ARHGAP15: variants seen among roughly 807,000 people sequenced by gnomAD.
ARHGAP15 encodes Rho GTPase activating protein 15.
In ARHGAP15, 51 loss-of-function variants were observed where a neutral mutation model predicts 63.7. The observed-to-expected ratio is 0.80, with a 90% confidence interval of 0.64 to 1.01. The LOEUF is 1.01. Among genes scored for constraint, ARHGAP15 ranks in the 50% least tolerant of loss-of-function variants. ARHGAP15 has a pLI of 0.00. For synonymous variants in ARHGAP15, 191 were observed against 193.8 expected (o/e 0.99, Z 0.12); for missense variants, 560 against 564.6 (o/e 0.99, Z 0.08).
intron 8 of ARHGAP15, among the ~76,000 whole-genome samples, chr2:143,464,656 C>T (rs1044396321): frequency 2.0e-5 from 3 of 152,092 alleles, no homozygotes; most frequent in Non-Finnish European, 4.4e-5. Flanking sequence ...GTAATCAAGC[C>T]GTTTTGCCTC....
At chr2:143,300,583 A>G (rs891336521) in intron 6 of ARHGAP15, among the ~76,000 whole-genome samples, 6 of 152,074 alleles carry the variant, frequency 3.9e-5, no homozygotes, top group East Asian at 3.9e-4. Context: ...GCTCTCCCCT[A>G]TGCAGTGATT....
At chr2:143,179,138 T>A (rs1383673337) in intron 2 of ARHGAP15, among the ~76,000 whole-genome samples, 1 of 152,228 alleles carries the variant, frequency 6.6e-6, no homozygotes, top group African/African-American at 2.4e-5. Flanking sequence ...AAATACAGAT[T>A]CCTGCACCTA....
intron 6 of ARHGAP15, among the ~76,000 whole-genome samples, chr2:143,308,219 C>T (rs1683266964): frequency 1.3e-5 from 2 of 151,980 alleles, no homozygotes. Flanking sequence ...CATAAATAGA[C>T]TTAAATCATA....
At chr2:143,626,400 G>T (rs570412796) in intron 12 of ARHGAP15, among the ~76,000 whole-genome samples, 11 of 152,214 alleles carry the variant, frequency 7.2e-5, no homozygotes, top group African/African-American at 2.4e-4. Context: ...GTTCCTGCCG[G>T]TGGGTTCGTG....
intron 8 of ARHGAP15, among the ~76,000 whole-genome samples, chr2:143,476,417 TAAA>T (rs1191921957): frequency 6.6e-6 from 1 of 152,130 alleles, no homozygotes; most frequent in African/African-American, 2.4e-5. Context: ...AAATTAATAA[TAAA>T]ACTGTACAAT....
At chr2:143,336,540 C>G (rs1356215372) in intron 6 of ARHGAP15, among the ~76,000 whole-genome samples, 1 of 146,110 alleles carries the variant, frequency 6.8e-6, no homozygotes, top group East Asian at 2.1e-4. Context: ...TATTTTTAGC[C>G]TTGGAATCCT....
At chr2:143,349,376 T>C (rs954346655) in intron 6 of ARHGAP15, among the ~76,000 whole-genome samples, 1 of 152,208 alleles carries the variant, frequency 6.6e-6, no homozygotes, top group Admixed American at 6.5e-5. Context: ...TTTTCCTCAG[T>C]GGCAGTAATT....
chr2:143,163,188 G>A (rs1196382879), intron 2 of ARHGAP15, among the ~76,000 whole-genome samples: 1 of 151,938 alleles, frequency 6.6e-6, no homozygotes. Flanking sequence ...AACTGAAGCA[G>A]GTTGAGAAAC....
chr2:143,405,682 C>T (rs1219416334), intron 6 of ARHGAP15, among the ~76,000 whole-genome samples: 1 of 151,914 alleles, frequency 6.6e-6, no homozygotes, highest in Non-Finnish European at 1.5e-5. Context: ...TATTACGAGA[C>T]TCACATTGTC....
chr2:143,427,685 T>C (rs1689192975), intron 6 of ARHGAP15, among the ~76,000 whole-genome samples: 1 of 152,094 alleles, frequency 6.6e-6, no homozygotes, highest in African/African-American at 2.4e-5. Context: ...TTTAATCCTA[T>C]TGTCTGATGT....
chr2:143,176,874 G>A (rs973789650), intron 2 of ARHGAP15, among the ~76,000 whole-genome samples: 2 of 152,144 alleles, frequency 1.3e-5, no homozygotes, highest in South Asian at 4.1e-4. Flanking sequence ...GCTCAGCTGG[G>A]GCCGAGGGTT....
At chr2:143,515,565 A>T (rs1693778984) in intron 9 of ARHGAP15, among the ~76,000 whole-genome samples, 1 of 152,202 alleles carries the variant, frequency 6.6e-6, no homozygotes, top group Non-Finnish European at 1.5e-5. Flanking sequence ...AAGAAAAAAG[A>T]CTTCTTATAT....
At chr2:143,219,266 G>A (rs1157902306) in intron 4 of ARHGAP15, among the ~76,000 whole-genome samples, 1 of 152,206 alleles carries the variant, frequency 6.6e-6, no homozygotes, top group Non-Finnish European at 1.5e-5. Flanking sequence ...GTAACATGCT[G>A]TACAGGTTTG....
chr2:143,492,464 T>TA (rs960410346), intron 9 of ARHGAP15, among the ~76,000 whole-genome samples: 9 of 151,934 alleles, frequency 5.9e-5, no homozygotes, highest in South Asian at 2.1e-4. Flanking sequence ...TTTTAAAAGT[T>TA]AAAAAAAACA....
rs1467049164 is a variant in ARHGAP15 at position 143,739,030 on chromosome 2, A to G, written c.1245-28959A>G. ...GGTTATCAAAGGAATAATGTGTCCT[A>G]TTATGGAGCTGAGATTTTACCTTAT... On this transcript the variant is annotated intron_variant, in intron 13 of 13. Coordinates refer to ENST00000295095, the MANE Select transcript of ARHGAP15 (RefSeq NM_018460.4). Among the ~76,000 whole-genome samples the G allele has an allele frequency of 2.6e-4, 39 of 152,174 alleles. 1 individual carries two copies. The highest frequency in any genetic ancestry group is 2.2e-4 in the Non-Finnish European group (15 of 68,042).
chr2:143,342,349 A>C (rs1196212715), intron 6 of ARHGAP15, among the ~76,000 whole-genome samples: 1 of 152,086 alleles, frequency 6.6e-6, no homozygotes, highest in Non-Finnish European at 1.5e-5. Flanking sequence ...CTCATCTAGC[A>C]GTATAATATT....
chr2:143,627,358 G>T (rs146586333), intron 12 of ARHGAP15, among the ~76,000 whole-genome samples: 2 of 152,086 alleles, frequency 1.3e-5, no homozygotes, highest in Non-Finnish European at 2.9e-5. Context: ...ACGTATTTTT[G>T]ATATAACCTT....
chr2:143,404,451 G>A (rs1449152600), intron 6 of ARHGAP15, among the ~76,000 whole-genome samples: 4 of 151,840 alleles, frequency 2.6e-5, no homozygotes, highest in Non-Finnish European at 4.4e-5. Flanking sequence ...TGAAAATGTT[G>A]TATGTATCAT....
intron 2 of ARHGAP15, among the ~76,000 whole-genome samples, chr2:143,201,265 G>A (rs933020119): frequency 2.0e-5 from 3 of 151,476 alleles, no homozygotes; most frequent in Non-Finnish European, 4.4e-5. Flanking sequence ...CTATAGGTGT[G>A]TGCCACCATG....
Sources: gnomAD v4.1 joint callset for allele counts (sites outside exome capture counted in the v4.1 genomes callset) on GRCh38, gnomAD v4.1.1 for gene constraint, MANE v1.5 for transcripts, NCBI Gene and HGNC (gene_info 2026-07-23, HGNC 2026-07-21) for gene names.